The following TNS1 variants were observed in gnomAD, a reference collection of about 807,000 sequenced individuals.
TNS1 encodes tensin 1, also known as tensin-1.
Under a neutral mutation model 168.6 loss-of-function variants are expected in TNS1, and 62 were observed. That is an observed-to-expected ratio of 0.37 (90% CI 0.30 to 0.45). The LOEUF is 0.45. TNS1 is among the 20% of genes least tolerant of loss of function. The pLI is 1.00. For missense variants in TNS1, 2,240 were observed against 2,339.4 expected, an observed-to-expected ratio of 0.96 and a Z score of 0.88; for synonymous variants, 934 against 933.2, an observed-to-expected ratio of 1.00 and a Z score of -0.02.
chr2:217,806,288 G>A (rs866146003), intron 32 of TNS1, among the ~76,000 whole-genome samples: 2 of 152,386 alleles, frequency 1.3e-5, no homozygotes, highest in Middle Eastern at 6.8e-3. Context: ...GCAAGGGCAG[G>A]AGGAAGCGCT....
chr2:218,033,946 G>T lies in TNS1; in HGVS notation c.30C>A (p.Cys10Ter), dbSNP rs1435157824. The change falls in exon 1 of 2, where the codon TGC (cysteine) becomes TGA (stop). Residue 10 changes from cysteine (C) to a stop codon, truncating the protein, a stop_gained. Coordinates refer to the TNS1 transcript ENST00000649572. LOFTEE classifies it high-confidence loss of function. The surrounding 1 kb of genome is among the most constrained non-coding windows in gnomAD (Gnocchi z 4.3). ...AGAGTGGTCCGGGCCGCAGCTCTTC[G>T]CAGCACACCAGGCTCACAGTGCAGC... Among the ~76,000 whole-genome samples the T allele has an allele frequency of 6.6e-6, 1 of 152,190 alleles. No individual in the cohort carries two copies. Among genetic ancestry groups the T allele is most frequent in the Middle Eastern group, 3.2e-3 (1 of 316 alleles).
intron 1 of TNS1, among the ~76,000 whole-genome samples, chr2:218,020,578 C>G (rs1243217973): frequency 6.6e-6 from 1 of 151,266 alleles, no homozygotes; most frequent in Non-Finnish European, 1.5e-5. Flanking sequence ...GGCTCAGATG[C>G]TTTTGGGGAT....
At chr2:217,896,397 T>A (rs1952300583) in intron 8 of TNS1, among the ~76,000 whole-genome samples, 1 of 152,142 alleles carries the variant, frequency 6.6e-6, no homozygotes, top group Non-Finnish European at 1.5e-5. Context: ...GGATCTAGGG[T>A]GGACCCTAAG....
At position 218,002,736 on chromosome 2, in the gene TNS1, C is replaced by G. The variant is rs13430843; in HGVS notation, c.33+104G>C. ...AAAGGCCCCTCCTTCAAGACTGACA[C>G]CCCCCGACCCCGGGCTCTCAGCAAA... On this transcript the variant is annotated intron_variant, in intron 1 of 32. Coordinates refer to ENST00000682258, the MANE Select transcript of TNS1 (RefSeq NM_001387777.1). The G allele has an allele frequency of 8.7e-3, 3,947 of 453,580 alleles. 108 individuals are homozygous for G. The highest frequency in any genetic ancestry group is 0.059 in the African/African-American group (2,932 of 50,050). 28.1% of individuals were successfully genotyped at this position (453,580 alleles called of 1,614,324 possible).
chr2:217,838,050 C>G (rs1945404416), intron 19 of TNS1, among the ~76,000 whole-genome samples: 1 of 152,224 alleles, frequency 6.6e-6, no homozygotes. Context: ...ATAATTGTGA[C>G]AGAAGAAGCC....
chr2:217,882,679 C>CCTCTAAGA (rs1950795839), intron 16 of TNS1, among the ~76,000 whole-genome samples: 1 of 152,118 alleles, frequency 6.6e-6, no homozygotes, highest in South Asian at 2.1e-4. Flanking sequence ...TAGCAATTTA[C>CCTCTAAGA]CTCTAAGACT....
intron 4 of TNS1, among the ~76,000 whole-genome samples, chr2:217,913,837 C>T (rs78798799): frequency 0.016 from 2,385 of 152,236 alleles, 60 homozygotes; most frequent in African/African-American, 0.053. Context: ...CTGTCACGCT[C>T]ATCCCTGCCC....
At chr2:217,958,030 A>ACACACACACAC (rs1559387621) in intron 3 of TNS1, among the ~76,000 whole-genome samples, 1 of 100,612 alleles carries the variant, frequency 9.9e-6, no homozygotes, top group African/African-American at 6.1e-5. Context: ...CACACACACA[A>ACACACACACAC]AAGGAGGAGC....
In TNS1 at chr2:217,821,725, C is replaced by A; in HGVS notation, c.3572+15G>T. ...CGGATTCCCATCCCCCACCCACTGC[C>A]CCTTCCCGGCTTACCTGTCAGCACT... On this transcript the variant is annotated intron_variant, in intron 23 of 32. Coordinates refer to ENST00000682258, the MANE Select transcript of TNS1 (RefSeq NM_001387777.1). 7.0e-7 allele frequency: 1 copy of A among 1,422,038 alleles called. No individual in the cohort carries two copies. Among genetic ancestry groups the A allele is most frequent in the Non-Finnish European group, 9.2e-7 (1 of 1,087,886 alleles). 88.1% of individuals were successfully genotyped at this position (1,422,038 alleles called of 1,614,324 possible). A position where few individuals can be genotyped will look rare whatever the true frequency, so the allele number is the denominator to read the frequency against.
At chr2:217,906,288 G>C (rs1030052924) in intron 6 of TNS1, 47 bp downstream of exon 6, 3 of 493,458 alleles carry the variant, frequency 6.1e-6, no homozygotes, top group African/African-American at 2.4e-5. Flanking sequence ...CATTCCCCCT[G>C]GCCACCAGGG....
At chr2:217,850,481 G>A (rs1046302216) in intron 18 of TNS1, 17 of 984,880 alleles carry the variant, frequency 1.7e-5, no homozygotes, top group South Asian at 4.7e-5. Flanking sequence ...TGGGTGGCTC[G>A]GGGCCAAAGG....
At chr2:217,945,226 A>G (rs1957073564) in intron 3 of TNS1, among the ~76,000 whole-genome samples, 2 of 152,360 alleles carry the variant, frequency 1.3e-5, no homozygotes. Flanking sequence ...CCTCTGCGAC[A>G]GAAAGGTCTT....
chr2:217,999,850 C>G (rs1958531368), intron 1 of TNS1, among the ~76,000 whole-genome samples: 1 of 152,204 alleles, frequency 6.6e-6, no homozygotes, highest in East Asian at 1.9e-4. Context: ...AGAATAGAGC[C>G]CACATTTCAG....
chr2:217,850,403 C>T (rs1559236073), intron 18 of TNS1: 1 of 985,170 alleles, frequency 1.0e-6, no homozygotes, highest in Non-Finnish European at 1.2e-6. Flanking sequence ...GGAGAGGGTC[C>T]TCTTGTCTGC....
At chr2:218,031,225 TGTGA>T (rs200745702) in intron 1 of TNS1, among the ~76,000 whole-genome samples, 8,165 of 142,696 alleles carry the variant, frequency 0.057, 254 homozygotes, top group East Asian at 0.19. Context: ...TGTGTATGAG[TGTGA>T]GTGTGTGAGC....
chr2:217,917,569 C>T (rs553555127), intron 4 of TNS1, among the ~76,000 whole-genome samples: 15 of 152,118 alleles, frequency 9.9e-5, no homozygotes, highest in Admixed American at 6.5e-4. Context: ...CAGTAGCTCA[C>T]GCCTGTAATC....
At chr2:217,838,422 A>T (rs1230786938) in intron 19 of TNS1, among the ~76,000 whole-genome samples, 2 of 152,230 alleles carry the variant, frequency 1.3e-5, no homozygotes, top group Non-Finnish European at 2.9e-5. Flanking sequence ...CAGCCATCTG[A>T]GGGTGAGCTG....
intron 18 of TNS1, among the ~76,000 whole-genome samples, chr2:217,875,812 T>A (rs1375187246): frequency 6.6e-6 from 1 of 152,040 alleles, no homozygotes; most frequent in East Asian, 1.9e-4. Flanking sequence ...AACTAGAAGA[T>A]CTCCCCTGAG....
At chr2:218,013,296 AGGTGCT>A (rs371579404), upstream of TNS1, among the ~76,000 whole-genome samples, 810 of 152,044 alleles carry the variant, frequency 5.3e-3, 2 homozygotes, top group Middle Eastern at 0.024. Context: ...AGCACCTGGT[AGGTGCT>A]CAGTCCGTCT....
Sources: allele counts gnomAD v4.1 joint callset (sites outside exome capture counted in the v4.1 genomes callset), GRCh38; gene constraint gnomAD v4.1.1; non-coding constraint Gnocchi (gnomAD v3.1); transcripts MANE v1.5; gene names NCBI Gene and HGNC (gene_info 2026-07-23, HGNC 2026-07-21).